Variants in CNTLN observed in about 807,000 individuals in gnomAD.
CNTLN encodes the protein centlein, centrosomal protein.
A neutral mutation model predicts 180.0 loss-of-function variants in CNTLN; 212 were observed. The ratio of observed to expected loss-of-function variants is 1.18; its 90% CI spans 1.05 to 1.32. The LOEUF (loss-of-function observed/expected upper bound fraction) is 1.32. CNTLN is among the 40% of genes most tolerant of loss of function. CNTLN has a pLI of 0.00. For synonymous variants in CNTLN, 722 were observed against 563.1 expected, an observed-to-expected ratio of 1.28 and a Z score of -3.99; for missense variants, 2,095 against 1,610.9, an observed-to-expected ratio of 1.30 and a Z score of -5.14.
At chr9:17,179,186 G>C (rs1307713195) in intron 2 of CNTLN, among the ~76,000 whole-genome samples, 1 of 146,680 alleles carries the variant, frequency 6.8e-6, no homozygotes, top group Non-Finnish European at 1.5e-5. Context: ...GGAGCTTGCA[G>C]TGAGCCGAGA....
At chr9:17,497,882 G>C (rs1347150010) in intron 25 of CNTLN, among the ~76,000 whole-genome samples, 1 of 152,084 alleles carries the variant, frequency 6.6e-6, no homozygotes, top group Admixed American at 6.6e-5. Flanking sequence ...GTGTGTGCTT[G>C]TATGTATATA....
intron 12 of CNTLN, among the ~76,000 whole-genome samples, chr9:17,357,377 T>C (rs1047048121): frequency 6.6e-6 from 1 of 151,804 alleles, no homozygotes; most frequent in Admixed American, 6.6e-5. Flanking sequence ...ATCACTTGAG[T>C]AAATGGCAAG....
intron 19 of CNTLN, among the ~76,000 whole-genome samples, chr9:17,459,279 G>T (rs886813903): frequency 2.6e-5 from 4 of 151,746 alleles, no homozygotes; most frequent in Non-Finnish European, 5.9e-5. Context: ...GTGTCTGTAA[G>T]TTCTTTGCAT....
intron 2 of CNTLN, among the ~76,000 whole-genome samples, chr9:17,161,912 T>C (rs1003217001): frequency 7.9e-5 from 12 of 152,172 alleles, no homozygotes; most frequent in African/African-American, 2.6e-4. Flanking sequence ...TTTCATTACA[T>C]TTGCTTCTAT....
intron 8 of CNTLN, among the ~76,000 whole-genome samples, chr9:17,319,958 C>A (rs9298772): frequency 0.59 from 90,213 of 152,026 alleles, 27,050 homozygotes; most frequent in East Asian, 0.73. Flanking sequence ...CCCTGCTCTT[C>A]ACTAGCTGAA....
In CNTLN at chr9:17,462,903, A is replaced by C; in HGVS notation, c.3307-13A>C. The C allele has an allele frequency of 6.9e-7, 1 of 1,444,712 alleles. No homozygotes were observed. Among genetic ancestry groups the C allele is most frequent in the Non-Finnish European group, 9.3e-7 (1 of 1,076,518 alleles). 89.5% of individuals were successfully genotyped at this position (1,444,712 alleles called of 1,614,324 possible). A position where few individuals can be genotyped will look rare whatever the true frequency, so the allele number is the denominator to read the frequency against. On this transcript the variant is annotated splice_polypyrimidine_tract_variant and intron_variant, in intron 19 of 25. Transcript: ENST00000380647. ...GTAAGGTATATTTAAATTTATTTCT[A>C]TTTTTAATCTAGAATGCTACTAATG...
At chr9:17,506,985 C>G (rs901508271), downstream of CNTLN, among the ~76,000 whole-genome samples, 1 of 152,096 alleles carries the variant, frequency 6.6e-6, no homozygotes, top group Non-Finnish European at 1.5e-5. Flanking sequence ...TAAGAACATT[C>G]AAAATCCTGT....
Position 17,342,463 on chromosome 9 carries a change from A to G in CNTLN, c.1886+19A>G. ...TTCAAAAGTGAGTTTCATTTTTAAC[A>G]ATATGGACTTAGATAAAATACTTGG... On this transcript the variant is annotated intron_variant, in intron 12 of 25. Transcript: ENST00000380647. The G allele has an allele frequency of 6.3e-7, 1 of 1,589,204 alleles. No individual in the cohort carries two copies. The highest frequency in any genetic ancestry group is 1.4e-5 in the African/African-American group (1 of 73,700).
chr9:17,462,855 T>C, intron 19 of CNTLN, 61 bp from the exon 20 acceptor site: 1 of 710,408 alleles, frequency 1.4e-6, no homozygotes, highest in Non-Finnish European at 2.2e-6. Flanking sequence ...GCACTTATTT[T>C]TATGCTGCCT....
chr9:17,455,857 C>T (rs1831080649), intron 18 of CNTLN, among the ~76,000 whole-genome samples: 2 of 150,408 alleles, frequency 1.3e-5, no homozygotes, highest in Non-Finnish European at 2.9e-5. Context: ...TGATGCCTGA[C>T]TGCAACACAA....
At chr9:17,417,248 C>G (rs2133894455) in intron 18 of CNTLN, among the ~76,000 whole-genome samples, 1 of 152,180 alleles carries the variant, frequency 6.6e-6, no homozygotes, top group South Asian at 2.1e-4. Context: ...GATTTCATCC[C>G]ATATACATTT....
At chr9:17,273,123 A>C (rs945314982) in intron 5 of CNTLN, among the ~76,000 whole-genome samples, 1 of 151,962 alleles carries the variant, frequency 6.6e-6, no homozygotes, top group African/African-American at 2.4e-5. Context: ...AAAAGTAATT[A>C]AAATTAATTT....
At position 17,140,233 on chromosome 9, in the gene CNTLN, C is replaced by T. The variant is rs370728890; in HGVS notation, c.361-3055C>T. Among the ~76,000 whole-genome samples, 14 of 152,142 alleles carry T rather than the reference C, an allele frequency of 9.2e-5. No homozygotes were observed. The South Asian group carries it at 2.5e-3, about 27-fold the overall frequency. ...ATAGCATTTAAATAACTGAAAAACT[C>T]ACAAAATTCATATATAACATAGTTC... On this transcript the variant is annotated intron_variant, in intron 1 of 25. Transcript: ENST00000380647.
intron 14 of CNTLN, among the ~76,000 whole-genome samples, chr9:17,392,524 G>A (rs1203216944): frequency 6.6e-6 from 1 of 152,082 alleles, no homozygotes; most frequent in African/African-American, 2.4e-5. Context: ...CCAATAAAGT[G>A]TTTACATTGA....
intron 2 of CNTLN, among the ~76,000 whole-genome samples, chr9:17,193,683 A>C (rs1017532897): frequency 6.6e-6 from 1 of 152,208 alleles, no homozygotes; most frequent in East Asian, 1.9e-4. Flanking sequence ...CAAATGGTGC[A>C]AGCTGTTGGT....
At position 17,242,252 on chromosome 9, in the gene CNTLN, A is replaced by G. The variant is rs139549555; in HGVS notation, c.849+5664A>G. On this transcript the variant is annotated intron_variant, in intron 5 of 25. Coordinates refer to ENST00000380647, the MANE Select transcript of CNTLN (RefSeq NM_017738.4). ...TTTTTGAGAGTTTTTATCATGACAC[A>G]ATGTTGAATTTTATCAAATGCTTTT... is the stretch of plus-strand genomic sequence containing the variant. Among the ~76,000 whole-genome samples, 820 of 151,160 alleles carry G rather than the reference A, an allele frequency of 5.4e-3. 4 individuals carry two copies. Among genetic ancestry groups the G allele is most frequent in the Non-Finnish European group, 8.3e-3 (564 of 67,868 alleles).
downstream of CNTLN, among the ~76,000 whole-genome samples, chr9:17,505,493 TA>T (rs1180728984): frequency 1.3e-5 from 2 of 151,920 alleles, no homozygotes; most frequent in Non-Finnish European, 2.9e-5. Flanking sequence ...AGTAAGCTAG[TA>T]AAAAAATGTG....
chr9:17,448,985 CT>C (rs1228321655), intron 18 of CNTLN, among the ~76,000 whole-genome samples: 2 of 152,184 alleles, frequency 1.3e-5, no homozygotes, highest in African/African-American at 4.8e-5. Flanking sequence ...CTACCATCCT[CT>C]TTCTTTCCTA....
At chr9:17,301,923 T>A (rs1012782669) in intron 7 of CNTLN, 80 of 925,224 alleles carry the variant, frequency 8.6e-5, no homozygotes, top group Non-Finnish European at 9.9e-5. Context: ...CATTATATTT[T>A]AAAAAATCAT....
Sources: gnomAD v4.1 joint callset for allele counts (sites outside exome capture counted in the v4.1 genomes callset) on GRCh38, gnomAD v4.1.1 for gene constraint, MANE v1.5 for transcripts, NCBI Gene and HGNC (gene_info 2026-07-23, HGNC 2026-07-21) for gene names.